The following DHX30 variants were observed in gnomAD, a reference collection of about 807,000 sequenced individuals.
DHX30 encodes the protein ATP-dependent RNA helicase DHX30.
Under a neutral mutation model 116.9 loss-of-function variants are expected in DHX30, and 4 were observed. That is an observed-to-expected ratio of 0.03 (90% CI 0.02 to 0.08). The LOEUF (loss-of-function observed/expected upper bound fraction) is 0.08, where lower values mean the gene tolerates loss of function less well. Among genes scored for constraint, DHX30 ranks in the 10% least tolerant of loss-of-function variants. The pLI is 1.00. For synonymous variants in DHX30, 697 were observed against 651.7 expected, an observed-to-expected ratio of 1.07 and a Z score of -1.06; for missense variants, 871 against 1,595.1, an observed-to-expected ratio of 0.55 and a Z score of 7.73.
intron 4 of DHX30, among the ~76,000 whole-genome samples, chr3:47,824,295 G>C (rs971734310): frequency 7.9e-5 from 12 of 152,074 alleles, no homozygotes; most frequent in Non-Finnish European, 1.8e-4. Flanking sequence ...GAGCCACTGC[G>C]CCTGGCGAGG....
intron 6 of DHX30, 122 bp downstream of exon 6, chr3:47,829,256 C>A (rs1457951820): frequency 2.5e-5 from 9 of 364,568 alleles, no homozygotes; most frequent in Non-Finnish European, 3.5e-5. Flanking sequence ...CTTCCCACTT[C>A]CTGATTCCTT....
At chr3:47,804,416 A>C (rs2035429544) in intron 1 of DHX30, among the ~76,000 whole-genome samples, 1 of 152,170 alleles carries the variant, frequency 6.6e-6, no homozygotes, top group Non-Finnish European at 1.5e-5. Context: ...TTAGCCGGGC[A>C]TGGTGGCGTG....
At chr3:47,840,704 A>T (rs1466968822) in intron 6 of DHX30, among the ~76,000 whole-genome samples, 173 bp from the exon 7 acceptor site, 1 of 152,154 alleles carries the variant, frequency 6.6e-6, no homozygotes, top group East Asian at 1.9e-4. Context: ...TTTGCATCAA[A>T]GCTAGGCATC....
chr3:47,809,608 A>G (rs1008802747), intron 2 of DHX30, among the ~76,000 whole-genome samples: 1 of 152,142 alleles, frequency 6.6e-6, no homozygotes, highest in African/African-American at 2.4e-5. Flanking sequence ...TCTCTGTGAT[A>G]TACCATATCC....
chr3:47,825,315 G>A, intron 4 of DHX30: 1 of 537,800 alleles, frequency 1.9e-6, no homozygotes, highest in South Asian at 2.3e-5. Context: ...AGCTAGGGGC[G>A]CGGGCCGAAA....
intron 6 of DHX30, among the ~76,000 whole-genome samples, chr3:47,836,375 G>A (rs892232666): frequency 6.6e-6 from 1 of 151,882 alleles, no homozygotes; most frequent in Non-Finnish European, 1.5e-5. Context: ...TAGGTGATCC[G>A]CCTGCCTCTG....
At chr3:47,817,276 C>T (rs1398362881) in intron 3 of DHX30, among the ~76,000 whole-genome samples, 1 of 152,198 alleles carries the variant, frequency 6.6e-6, no homozygotes, top group Admixed American at 6.5e-5. Flanking sequence ...GGACCTTAAG[C>T]CTTCCTTACC....
At position 47,847,352 on chromosome 3, in the gene DHX30, G is replaced by T; in HGVS notation, c.2005+4G>T. ...ATCGATGCTCGCGGGGAACCAGGTG[G>T]GTGCCTCCCCATCTGTCCCATGCTA... On this transcript the variant is annotated splice_donor_region_variant and intron_variant, in intron 12 of 21. Transcript: ENST00000445061. The surrounding 1 kb of genome is among the most constrained non-coding windows in gnomAD (Gnocchi z 5.5). 1 of 1,614,212 alleles carries T rather than the reference G, an allele frequency of 6.2e-7. No homozygotes were observed. Among genetic ancestry groups the T allele is most frequent in the Non-Finnish European group, 8.5e-7 (1 of 1,180,042 alleles).
In DHX30 at chr3:47,848,856, C is replaced by A. The variant is rs749868114; in HGVS notation, c.2769+39C>A. The A allele has an allele frequency of 8.7e-6, 14 of 1,600,654 alleles. No individual in the cohort carries two copies. The highest frequency in any genetic ancestry group is 1.1e-5 in the Non-Finnish European group (13 of 1,169,456). On this transcript the variant is annotated intron_variant, in intron 17 of 21. Coordinates refer to ENST00000445061, the MANE Select transcript of DHX30 (RefSeq NM_138615.3). This position sits in a 1 kb window ranked among gnomAD's most constrained non-coding sequence, Gnocchi z 9.4. Reference sequence around the variant, plus strand: ...CCTTCCTGGAGCCGTCCACCCACTGCTGTTCTGAGGGGGCGTTGTCTAGCC... The same window carrying A: ...CCTTCCTGGAGCCGTCCACCCACTGATGTTCTGAGGGGGCGTTGTCTAGCC...
chr3:47,825,544 C>T (rs1162128114), intron 4 of DHX30, among the ~76,000 whole-genome samples: 1 of 152,228 alleles, frequency 6.6e-6, no homozygotes, highest in Non-Finnish European at 1.5e-5. Flanking sequence ...TGGCCAAGGG[C>T]TAGAGCTTCT....
At chr3:47,849,131 TTC>T (rs771444713) in intron 18 of DHX30, 52 bp downstream of exon 18, 24 of 1,612,130 alleles carry the variant, frequency 1.5e-5, no homozygotes, top group Admixed American at 1.2e-4. Flanking sequence ...CCCACTGAGT[TTC>T]TGTCACCTCC....
intron 5 of DHX30, 85 bp downstream of exon 5, chr3:47,827,562 A>G: frequency 1.3e-6 from 2 of 1,506,272 alleles, no homozygotes; most frequent in Non-Finnish European, 1.8e-6. Context: ...TTCTTTGTCA[A>G]GGAGGCCATA....
chr3:47,805,441 A>G, intron 2 of DHX30, 21 bp downstream of exon 2: 1 of 399,076 alleles, frequency 2.5e-6, no homozygotes. Context: ...TTAGCCGTGC[A>G]CAGAGCAGTG....
intron 4 of DHX30, among the ~76,000 whole-genome samples, chr3:47,823,105 A>G (rs995848964): frequency 1.5e-4 from 22 of 151,418 alleles, no homozygotes; most frequent in African/African-American, 4.6e-4. Context: ...AAAAAAAAAA[A>G]AAAAGAAAAG....
chr3:47,821,441 A>AT (rs1254148309), intron 4 of DHX30, among the ~76,000 whole-genome samples: 2 of 149,594 alleles, frequency 1.3e-5, no homozygotes, highest in African/African-American at 2.5e-5. Flanking sequence ...AATTTTTTGT[A>AT]TTTTTTTAGT....
intron 6 of DHX30, among the ~76,000 whole-genome samples, chr3:47,835,108 A>G (rs996470550): frequency 2.0e-5 from 3 of 150,054 alleles, no homozygotes; most frequent in Admixed American, 6.6e-5. Flanking sequence ...GGTTCAAGCA[A>G]TTCTCCTGCC....
At chr3:47,841,941 G>A (rs1177692814) in intron 8 of DHX30, 1 of 664,998 alleles carries the variant, frequency 1.5e-6, no homozygotes, top group South Asian at 1.9e-5. Flanking sequence ...GAGTGGGCTT[G>A]GGGGCCGCAA....
chr3:47,829,273 T>C, intron 6 of DHX30, 139 bp downstream of exon 6: 1 of 293,674 alleles, frequency 3.4e-6, no homozygotes, highest in Non-Finnish European at 6.4e-6. Context: ...CCTTTCTTAC[T>C]GTTCAGCCAA....
Position 47,849,720 on chromosome 3 carries a change from G to C in DHX30, c.3282G>C (p.Val1094=), listed in dbSNP as rs143353218. 16 of 1,613,980 alleles carry C rather than the reference G, an allele frequency of 9.9e-6. No homozygotes were observed. The highest frequency in any genetic ancestry group is 1.3e-5 in the African/African-American group (1 of 74,934). Residue 1094 remains valine (V), a synonymous_variant, in exon 21 of 22, where the codon GTG becomes GTC. Coordinates refer to ENST00000445061, the MANE Select transcript of DHX30 (RefSeq NM_138615.3). ...TCTTCGTCCGGGACTCCTCTCAGGT[G>C]CACCCGCTAGCTGTGCTGCTGCTGA... ...GSVFVRDSSQ[V]HPLAVLLLTD...
Sources: allele counts gnomAD v4.1 joint callset (sites outside exome capture counted in the v4.1 genomes callset), GRCh38; gene constraint gnomAD v4.1.1; non-coding constraint Gnocchi (gnomAD v3.1); transcripts MANE v1.5; gene names NCBI Gene and HGNC (gene_info 2026-07-23, HGNC 2026-07-21).